SAMMSON: variants seen among roughly 807,000 people sequenced by gnomAD.
SAMMSON encodes long intergenic non-protein coding RNA 1212.
rs1193657961 is a variant in SAMMSON at position 70,365,970 on chromosome 3, CTT to C, written n.913+7676_913+7677del. Among the ~76,000 whole-genome samples, 9 of 27,772 alleles carry C rather than the reference CTT, an allele frequency of 3.2e-4. 2 individuals carry two copies. Among genetic ancestry groups the C allele is most frequent in the Middle Eastern group, 0.056 (2 of 36 alleles). 18.2% of individuals were successfully genotyped at this position (27,772 alleles called of 152,430 possible). On this transcript the variant is annotated intron_variant and non_coding_transcript_variant, in intron 9 of 9. Coordinates refer to ENST00000642114, the Ensembl canonical transcript of SAMMSON. ...AAAAATTGTTTGTGCTTTACCTTTT[CTT>C]TTTTTTTTTTTTTTTTTTTTTTTTT...
At chr3:70,140,195 G>T in intron 4 of SAMMSON, 1 of 162,364 alleles carries the variant, frequency 6.2e-6, no homozygotes. Context: ...TGAGTGTGTT[G>T]AATTCAGAAC....
intron 4 of SAMMSON, among the ~76,000 whole-genome samples, chr3:70,135,300 C>T (rs537638896): frequency 6.6e-6 from 1 of 151,976 alleles, no homozygotes; most frequent in Non-Finnish European, 1.5e-5. Flanking sequence ...CAGAAAGAAA[C>T]AAAATATGTA....
chr3:70,047,570 G>A (rs761845887), intron 3 of SAMMSON, among the ~76,000 whole-genome samples: 14 of 151,938 alleles, frequency 9.2e-5, no homozygotes, highest in African/African-American at 1.4e-4. Context: ...TCCTAATCTC[G>A]TGATCTGCCC....
At chr3:70,425,260 AC>A (rs1344650351) in intron 2 of SAMMSON, 1 of 152,134 alleles carries the variant, frequency 6.6e-6, no homozygotes, top group East Asian at 1.9e-4. Context: ...TCTCAAATCT[AC>A]TTTTTAGCAT....
At chr3:70,347,682 C>T (rs1237774994) in intron 7 of SAMMSON, among the ~76,000 whole-genome samples, 1 of 152,168 alleles carries the variant, frequency 6.6e-6, no homozygotes, top group African/African-American at 2.4e-5. Flanking sequence ...AGACCTGGCC[C>T]TACTAAGTTT....
chr3:70,424,756 A>G lies in SAMMSON; in HGVS notation n.234-37804A>G, dbSNP rs553153146. The G allele has an allele frequency of 2.6e-5, 4 of 152,276 alleles. No individual in the cohort carries two copies. The East Asian group carries it at 7.7e-4, about 29-fold the overall frequency. 9.4% of individuals were successfully genotyped at this position (152,276 alleles called of 1,614,324 possible). A position where few individuals can be genotyped will look rare whatever the true frequency, so the allele number is the denominator to read the frequency against. On this transcript the variant is annotated intron_variant and non_coding_transcript_variant, in intron 2 of 3. Transcript: ENST00000641053. ...GCAGGCTTTGTCTATTGACATTTTG[A>G]TCTATAATTCTTTGTTGTAGGGAGC...
intron 1 of SAMMSON, among the ~76,000 whole-genome samples, chr3:70,002,053 A>G (rs1412813366): frequency 2.0e-5 from 3 of 152,208 alleles, no homozygotes; most frequent in Non-Finnish European, 4.4e-5. Flanking sequence ...ACTCTCGGTC[A>G]TTGCCTGCAT....
At chr3:70,429,466 T>C (rs1701396519) in intron 2 of SAMMSON, among the ~76,000 whole-genome samples, 2 of 152,092 alleles carry the variant, frequency 1.3e-5, no homozygotes, top group Admixed American at 6.5e-5. Flanking sequence ...TTTGGTTCCA[T>C]ATGAAATTTA....
chr3:70,152,021 G>C (rs1237739272), intron 4 of SAMMSON, among the ~76,000 whole-genome samples: 1 of 151,994 alleles, frequency 6.6e-6, no homozygotes, highest in Non-Finnish European at 1.5e-5. Flanking sequence ...AAGCATAGCT[G>C]TGTTTATAAA....
At chr3:70,272,778 C>A (rs1037834716) in intron 6 of SAMMSON, among the ~76,000 whole-genome samples, 4 of 152,146 alleles carry the variant, frequency 2.6e-5, no homozygotes, top group African/African-American at 9.7e-5. Context: ...TTCTTTCCTC[C>A]ATTGGAAAGC....
At chr3:70,086,169 G>A (rs1171984798) in intron 4 of SAMMSON, among the ~76,000 whole-genome samples, 2 of 152,116 alleles carry the variant, frequency 1.3e-5, no homozygotes, top group Non-Finnish European at 2.9e-5. Context: ...TTTATCTTTG[G>A]TGCTGACAAA....
At chr3:70,002,392 G>A (rs770800544) in intron 1 of SAMMSON, among the ~76,000 whole-genome samples, 2 of 152,058 alleles carry the variant, frequency 1.3e-5, no homozygotes, top group African/African-American at 2.4e-5. Flanking sequence ...TATTGTCACT[G>A]AGTGAAAAGG....
chr3:70,356,468 T>C (rs1028787072), intron 8 of SAMMSON, among the ~76,000 whole-genome samples: 16 of 152,038 alleles, frequency 1.1e-4, no homozygotes, highest in African/African-American at 3.4e-4. Context: ...AATAAATAAA[T>C]AATCGAATAT....
At chr3:70,225,824 T>C (rs914607840) in intron 4 of SAMMSON, among the ~76,000 whole-genome samples, 17 of 152,198 alleles carry the variant, frequency 1.1e-4, no homozygotes, top group African/African-American at 4.1e-4. Flanking sequence ...ATTGTTGAAA[T>C]AATGTTATAA....
At chr3:70,091,850 G>C (rs1376311447) in intron 4 of SAMMSON, among the ~76,000 whole-genome samples, 1 of 151,902 alleles carries the variant, frequency 6.6e-6, no homozygotes, top group Admixed American at 6.6e-5. Context: ...GGACAGGCAG[G>C]GTTCTCAGAA....
At chr3:70,061,147 A>G (rs767915539) in intron 3 of SAMMSON, among the ~76,000 whole-genome samples, 1 of 152,110 alleles carries the variant, frequency 6.6e-6, no homozygotes. Context: ...TGGTGCTGCC[A>G]TTCATGAGTA....
chr3:70,086,715 C>G (rs2067286613), intron 4 of SAMMSON, among the ~76,000 whole-genome samples: 2 of 152,216 alleles, frequency 1.3e-5, no homozygotes, highest in South Asian at 4.1e-4. Flanking sequence ...TTCTTGAATT[C>G]TTTCAAATGT....
intron 7 of SAMMSON, among the ~76,000 whole-genome samples, chr3:70,337,492 G>T (rs927224961): frequency 6.6e-6 from 1 of 151,734 alleles, no homozygotes; most frequent in Non-Finnish European, 1.5e-5. Context: ...AGCAAGCAAA[G>T]AATATGAATA....
chr3:70,271,642 A>C (rs1457848284), intron 6 of SAMMSON: 1 of 152,172 alleles, frequency 6.6e-6, no homozygotes, highest in Non-Finnish European at 1.5e-5. Flanking sequence ...TAAGAAACTG[A>C]CTCATCTAAG....
Sources: allele counts gnomAD v4.1 joint callset (sites outside exome capture counted in the v4.1 genomes callset), GRCh38; gene constraint gnomAD v4.1.1; transcripts MANE v1.5; gene names NCBI Gene and HGNC (gene_info 2026-07-23, HGNC 2026-07-21).